The following SLC35A1 variants were observed in gnomAD, a reference collection of about 807,000 sequenced individuals.
SLC35A1 encodes CMP-sialic acid transporter.
SLC35A1 carries 21 observed loss-of-function variants against 40.3 expected under a neutral mutation model. The ratio of observed to expected loss-of-function variants is 0.52; its 90% confidence interval spans 0.37 to 0.75. SLC35A1 has a LOEUF of 0.75. SLC35A1 is among the 30% of genes least tolerant of loss of function. SLC35A1 has a pLI of 0.00. For synonymous variants in SLC35A1, 146 were observed against 147.3 expected (o/e 0.99, Z 0.06); for missense variants, 297 against 382.1 (o/e 0.78, Z 1.86).
chr6:87,485,729 A>G (rs943302589), intron 2 of SLC35A1, among the ~76,000 whole-genome samples: 1 of 152,104 alleles, frequency 6.6e-6, no homozygotes, highest in African/African-American at 2.4e-5. Flanking sequence ...ACTGTACTCT[A>G]GCCTGGGCAA....
chr6:87,497,838 C>T (rs1176923742), intron 2 of SLC35A1, among the ~76,000 whole-genome samples: 1 of 152,036 alleles, frequency 6.6e-6, no homozygotes, highest in Non-Finnish European at 1.5e-5. Flanking sequence ...AAGTGATGCT[C>T]CCACCTCAGC....
chr6:87,489,646 A>G (rs1242446285), intron 2 of SLC35A1, among the ~76,000 whole-genome samples: 1 of 146,172 alleles, frequency 6.8e-6, no homozygotes, highest in Middle Eastern at 3.5e-3. Flanking sequence ...GGTTCAAGCG[A>G]TTCTCCTGCC....
At chr6:87,506,126 A>G (rs186537719) in intron 4 of SLC35A1, among the ~76,000 whole-genome samples, 97 of 152,342 alleles carry the variant, frequency 6.4e-4, no homozygotes, top group African/African-American at 2.1e-3. Flanking sequence ...GGTATTAGGA[A>G]ACAGTGGGCA....
At chr6:87,495,204 T>A (rs1457736297) in intron 2 of SLC35A1, among the ~76,000 whole-genome samples, 1 of 152,156 alleles carries the variant, frequency 6.6e-6, no homozygotes, top group African/African-American at 2.4e-5. Context: ...AAGCAATCCG[T>A]CTGCCATGGC....
Position 87,512,174 on chromosome 6 carries a change from T to G in SLC35A1, c.*648T>G, listed in dbSNP as rs1051148. 92,829 of 152,524 alleles carry G rather than the reference T, an allele frequency of 0.61. 29,053 individuals carry two copies. Among genetic ancestry groups the G allele is most frequent in the African/African-American group, 0.75 (31,206 of 41,442 alleles). The allele number at this position is 152,524 out of a possible 1,614,324, so 9.4% of individuals were successfully genotyped here. ...TTCATTATCTGGTTCATATTTCTTT[T>G]CTGTTAGATGATACACATTTCTTCA... On this transcript the variant is annotated 3_prime_UTR_variant, in exon 8 of 8. Transcript: ENST00000369552.
chr6:87,505,732 A>G (rs1770059490), intron 4 of SLC35A1, among the ~76,000 whole-genome samples: 1 of 152,194 alleles, frequency 6.6e-6, no homozygotes, highest in Non-Finnish European at 1.5e-5. Context: ...TGCTCCCTCA[A>G]TAACTAACTC....
At chr6:87,490,204 G>A (rs987529233) in intron 2 of SLC35A1, among the ~76,000 whole-genome samples, 1 of 151,960 alleles carries the variant, frequency 6.6e-6, no homozygotes, top group Non-Finnish European at 1.5e-5. Flanking sequence ...ACTCTAGCTT[G>A]GGGGATAAAG....
At chr6:87,502,567 G>A (rs924647920) in intron 4 of SLC35A1, among the ~76,000 whole-genome samples, 4 of 152,132 alleles carry the variant, frequency 2.6e-5, no homozygotes, top group Non-Finnish European at 4.4e-5. Context: ...ATACTGTAGC[G>A]AGTTGTAACA....
At chr6:87,492,281 G>T (rs1241857528) in intron 2 of SLC35A1, among the ~76,000 whole-genome samples, 1 of 151,956 alleles carries the variant, frequency 6.6e-6, no homozygotes, top group African/African-American at 2.4e-5. Flanking sequence ...CTTCAGTCCT[G>T]TCCAGGATTA....
At chr6:87,493,855 C>T (rs991058021) in intron 2 of SLC35A1, among the ~76,000 whole-genome samples, 2 of 151,818 alleles carry the variant, frequency 1.3e-5, no homozygotes, top group African/African-American at 4.8e-5. Flanking sequence ...TTGAGATTCC[C>T]CCATCCTTGT....
At chr6:87,498,125 G>T (rs1158475375) in intron 2 of SLC35A1, among the ~76,000 whole-genome samples, 1 of 152,092 alleles carries the variant, frequency 6.6e-6, no homozygotes, top group Non-Finnish European at 1.5e-5. Context: ...GCTTTTGAGG[G>T]TTTAGCATGA....
At position 87,506,492 on chromosome 6, in the gene SLC35A1, GA is replaced by G. The variant is rs1562026981; in HGVS notation, c.574+48del. The G allele has an allele frequency of 5.3e-6, 8 of 1,518,614 alleles. 1 individual carries two copies. In the South Asian group the frequency reaches 9.0e-5, roughly 17 times the overall value. 94.1% of individuals were successfully genotyped at this position (1,518,614 alleles called of 1,614,324 possible). ...GTTTTATTCTTTTGTCATATTTTTC[GA>G]AAACATCAAACTTTAGACACCAGTC... On this transcript the variant is annotated intron_variant, in intron 5 of 7. Coordinates refer to ENST00000369552, the MANE Select transcript of SLC35A1 (RefSeq NM_006416.5).
At chr6:87,486,270 C>T (rs1225236067) in intron 2 of SLC35A1, among the ~76,000 whole-genome samples, 1 of 152,082 alleles carries the variant, frequency 6.6e-6, no homozygotes, top group Non-Finnish European at 1.5e-5. Flanking sequence ...CACCTGAAAC[C>T]ATGTTTTGGT....
chr6:87,502,642 G>A (rs895611164), intron 4 of SLC35A1, among the ~76,000 whole-genome samples: 3 of 152,282 alleles, frequency 2.0e-5, no homozygotes, highest in Admixed American at 6.5e-5. Context: ...TTACAGGACC[G>A]CTGTTTTATA....
intron 4 of SLC35A1, 32 bp downstream of exon 4, chr6:87,501,342 A>C (rs768715397): frequency 2.5e-6 from 4 of 1,601,688 alleles, no homozygotes; most frequent in Non-Finnish European, 8.5e-7. Flanking sequence ...ATAACTTCCC[A>C]TAAATAGAAA....
intron 2 of SLC35A1, among the ~76,000 whole-genome samples, chr6:87,487,202 A>G (rs1339482687): frequency 6.6e-6 from 1 of 152,252 alleles, no homozygotes; most frequent in Non-Finnish European, 1.5e-5. Context: ...AAAGAAAGTC[A>G]TTAAATGGTT....
intron 1 of SLC35A1, 44 bp from the exon 2 acceptor site, chr6:87,477,318 T>C: frequency 6.9e-7 from 1 of 1,452,206 alleles, no homozygotes; most frequent in Non-Finnish European, 9.6e-7. Flanking sequence ...TATATATACA[T>C]ATATTGTCTA....
At chr6:87,493,999 C>T (rs886472667) in intron 2 of SLC35A1, among the ~76,000 whole-genome samples, 2 of 151,494 alleles carry the variant, frequency 1.3e-5, no homozygotes, top group Admixed American at 6.6e-5. Context: ...ATAAGGTTGA[C>T]GTGGTCAAAG....
At chr6:87,509,296 T>C in intron 7 of SLC35A1, 121 bp downstream of exon 7, 5 of 1,236,334 alleles carry the variant, frequency 4.0e-6, no homozygotes, top group Non-Finnish European at 5.9e-6. Context: ...CTAGCTTTGT[T>C]ACTACAGTTT....
Sources: allele counts gnomAD v4.1 joint callset (sites outside exome capture counted in the v4.1 genomes callset), GRCh38; gene constraint gnomAD v4.1.1; transcripts MANE v1.5; gene names NCBI Gene and HGNC (gene_info 2026-07-23, HGNC 2026-07-21).